The following OXNAD1 variants were observed in gnomAD, a reference collection of about 807,000 sequenced individuals.
OXNAD1 encodes oxidoreductase NAD binding domain containing 1.
OXNAD1 carries 34 observed loss-of-function variants against 32.9 expected under a neutral mutation model. The observed-to-expected ratio is 1.03, with a 90% confidence interval of 0.79 to 1.38. The LOEUF (loss-of-function observed/expected upper bound fraction) is 1.38. Among genes scored for constraint, OXNAD1 ranks in the 40% most tolerant of loss-of-function variants. The probability of loss-of-function intolerance (pLI) is 0.00; values close to 1 mark genes in which losing one functional copy is unlikely to be tolerated. For missense variants in OXNAD1, 407 were observed against 379.4 expected, an observed-to-expected ratio of 1.07 and a Z score of -0.60; for synonymous variants, 134 against 135.2, an observed-to-expected ratio of 0.99 and a Z score of 0.06.
At position 16,287,375 on chromosome 3, in the gene OXNAD1, T is replaced by A. The variant is rs1374771940; in HGVS notation, c.290+927T>A. Among the ~76,000 whole-genome samples the A allele has an allele frequency of 1.3e-5, 2 of 152,206 alleles. No individual in the cohort carries two copies. Among genetic ancestry groups the A allele is most frequent in the African/African-American group, 4.8e-5 (2 of 41,458 alleles). ...AGTTAGCAGTCTTGTGTGTTAATAG[T>A]TTGCCTTTGAATTTAGAACTAGAAA... On this transcript the variant is annotated intron_variant, in intron 5 of 8. Transcript: ENST00000285083. This position sits in a 1 kb window ranked among gnomAD's most constrained non-coding sequence, Gnocchi z 4.8.
chr3:16,286,177 C>T (rs549471425), intron 4 of OXNAD1, among the ~76,000 whole-genome samples, 165 bp from the exon 5 acceptor site: 1 of 152,358 alleles, frequency 6.6e-6, no homozygotes, highest in Admixed American at 6.5e-5. Context: ...AATGTATTCA[C>T]ATGGTGGTAG....
At position 16,330,626 on chromosome 3, in the gene OXNAD1, G is replaced by A. The variant is rs137885075; in HGVS notation, c.*31-6486G>A. On this transcript the variant is annotated intron_variant, in intron 9 of 9. Coordinates refer to the OXNAD1 transcript ENST00000435829. ...CTCCTGTGGTGGATACGTAATCTCC[G>A]ATCACACCTGGAGTGTTAAAAAATG... Among the ~76,000 whole-genome samples the A allele has an allele frequency of 7.9e-5, 12 of 152,282 alleles. No individual in the cohort carries two copies. The East Asian group carries it at 1.5e-3, about 20-fold the overall frequency.
rs1312306031 is a variant in OXNAD1 at position 16,317,190 on chromosome 3, T to C, written c.*30+13598T>C. Reference sequence around the variant, plus strand: ...CTGAGTTTACCTTTTGATTTCCTCATCTGCCTGTTGTGCATTTCTTCTCTG... The same window carrying C: ...CTGAGTTTACCTTTTGATTTCCTCACCTGCCTGTTGTGCATTTCTTCTCTG... On this transcript the variant is annotated intron_variant, in intron 9 of 9. Transcript: ENST00000435829. The surrounding 1 kb of genome is among the most constrained non-coding windows in gnomAD (Gnocchi z 4.3). 4 of 1,613,378 alleles carry C rather than the reference T, an allele frequency of 2.5e-6. No homozygotes were observed. The African/African-American group carries it at 4.0e-5, about 16-fold the overall frequency.
intron 9 of OXNAD1, among the ~76,000 whole-genome samples, chr3:16,325,447 A>G (rs2069597179): frequency 6.6e-6 from 1 of 152,232 alleles, no homozygotes; most frequent in Non-Finnish European, 1.5e-5. Context: ...GCTCAGAACC[A>G]GCTGGGCCTT....
chr3:16,278,905 T>A (rs982148425), intron 4 of OXNAD1, among the ~76,000 whole-genome samples: 1 of 152,196 alleles, frequency 6.6e-6, no homozygotes, highest in Non-Finnish European at 1.5e-5. Flanking sequence ...AATGGGATGG[T>A]CTGCTTAGCT....
At chr3:16,340,284 C>T (rs1314933609), downstream of OXNAD1, among the ~76,000 whole-genome samples, 2 of 152,220 alleles carry the variant, frequency 1.3e-5, no homozygotes, top group African/African-American at 4.8e-5. Context: ...AATAAGCTAG[C>T]ACATTGGGGC....
In OXNAD1 at chr3:16,284,536, GA is replaced by G. The variant is rs1359396404; in HGVS notation, c.184-1801del. Among the ~76,000 whole-genome samples the G allele has an allele frequency of 6.6e-6, 1 of 152,184 alleles. No homozygotes were observed. Among genetic ancestry groups the G allele is most frequent in the African/African-American group, 2.4e-5 (1 of 41,442 alleles). Reference sequence around the variant, plus strand: ...CACAATATTTGTGTGTCTAAACATAGAAAAATAGTAAAAATCTGGTATTATG... The same window carrying G: ...CACAATATTTGTGTGTCTAAACATAGAAAATAGTAAAAATCTGGTATTATG... On this transcript the variant is annotated intron_variant, in intron 4 of 8. Coordinates refer to ENST00000285083, the MANE Select transcript of OXNAD1 (RefSeq NM_138381.5). The surrounding 1 kb of genome is among the most constrained non-coding windows in gnomAD (Gnocchi z 4.1).
In OXNAD1 at chr3:16,322,021, C is replaced by T. The variant is rs1234900879; in HGVS notation, c.*31-15091C>T. Among the ~76,000 whole-genome samples, 4 of 152,212 alleles carry T rather than the reference C, an allele frequency of 2.6e-5. No homozygotes were observed. The highest frequency in any genetic ancestry group is 2.1e-4 in the South Asian group (1 of 4,828). On this transcript the variant is annotated intron_variant, in intron 9 of 9. Coordinates refer to the OXNAD1 transcript ENST00000435829. The surrounding 1 kb of genome is among the most constrained non-coding windows in gnomAD (Gnocchi z 6.2). ...ACCATCTCCCTCTGTAAGGCTGCAG[C>T]GGGTGTCTGTCAGCATCTGACAGGG...
Position 16,303,550 on chromosome 3 carries a change from G to C in OXNAD1, c.927G>C (p.Glu309Asp). 1 of 1,613,880 alleles carries C rather than the reference G, an allele frequency of 6.2e-7. No homozygotes were observed. Among genetic ancestry groups the C allele is most frequent in the East Asian group, 2.2e-5 (1 of 44,816 alleles). The change falls in exon 9 of 9, where the codon GAG (glutamate) becomes GAC (aspartate). Residue 309 changes from glutamate to aspartate, a missense_variant. Glu to Asp is a conservative substitution (Grantham distance 45). Transcript: ENST00000285083. This position sits in a 1 kb window ranked among gnomAD's most constrained non-coding sequence, Gnocchi z 4.8. ...NHVPKEHICF[E>D]KWW is the part of the protein sequence containing the mutation. ...TACCCAAAGAACACATTTGCTTTGA[G>C]AAGTGGTGGTAGGAGGCAGACAAAG...
At chr3:16,323,363 C>A (rs765839281) in intron 9 of OXNAD1, 10 of 1,591,162 alleles carry the variant, frequency 6.3e-6, no homozygotes, top group Non-Finnish European at 2.6e-6. Context: ...GGAAGGCCAT[C>A]AAAGTCTCTT....
intron 4 of OXNAD1, among the ~76,000 whole-genome samples, chr3:16,279,691 A>G (rs1297536054): frequency 6.6e-6 from 1 of 151,962 alleles, no homozygotes; most frequent in East Asian, 1.9e-4. Context: ...GCCAGGGGGA[A>G]AAGTATTTCA....
intron 4 of OXNAD1, 124 bp from the exon 5 acceptor site, chr3:16,286,218 G>T: frequency 1.4e-6 from 1 of 714,388 alleles, no homozygotes; most frequent in Admixed American, 2.5e-5. Flanking sequence ...GTTTTACCTT[G>T]TTTGGCAATT....
At chr3:16,269,828 G>A (rs1355269466) in intron 2 of OXNAD1, among the ~76,000 whole-genome samples, 4 of 152,214 alleles carry the variant, frequency 2.6e-5, no homozygotes, top group African/African-American at 4.8e-5. Flanking sequence ...AGAAAAAAAA[G>A]TATTCACATG....
rs563174449 is a variant in OXNAD1, at chr3:16,346,469, A to T, written c.*31-2707A>T. On this transcript the variant is annotated intron_variant, in intron 9 of 9. Transcript: ENST00000606098. This position sits in a 1 kb window ranked among gnomAD's most constrained non-coding sequence, Gnocchi z 4.4. ...TTGTCATCTCATTATCCAAACCGTC[A>T]ACAAGTCCAGTCTTCTTGAAAATAC... The T allele has an allele frequency of 6.6e-6, 1 of 152,324 alleles. No homozygotes were observed. Among genetic ancestry groups the T allele is most frequent in the Admixed American group, 6.5e-5 (1 of 15,308 alleles). The allele number at this position is 152,324 out of a possible 1,614,324, so 9.4% of individuals were successfully genotyped here. A position where few individuals can be genotyped will look rare whatever the true frequency, so the allele number is the denominator to read the frequency against.
chr3:16,277,397 A>G lies in OXNAD1; in HGVS notation c.183+5675A>G, dbSNP rs1005450842. On this transcript the variant is annotated intron_variant, in intron 4 of 8. Coordinates refer to ENST00000285083, the MANE Select transcript of OXNAD1 (RefSeq NM_138381.5). The surrounding 1 kb of genome is among the most constrained non-coding windows in gnomAD (Gnocchi z 4.3). ...CTCCTAGCCATAGAGTAGGGGCTGG[A>G]CCCTGGACTCGTTGAAATGAATGGC... Among the ~76,000 whole-genome samples, 21 of 152,228 alleles carry G rather than the reference A, an allele frequency of 1.4e-4. No homozygotes were observed. The highest frequency in any genetic ancestry group is 9.6e-4 in the East Asian group (5 of 5,182).
intron 9 of OXNAD1, among the ~76,000 whole-genome samples, chr3:16,347,252 C>T (rs932548919): frequency 1.5e-4 from 23 of 152,286 alleles, no homozygotes; most frequent in African/African-American, 5.5e-4. Context: ...CAAGGACACC[C>T]TACAGGGCAA....
rs936586423 is a variant in OXNAD1 at position 16,297,798 on chromosome 3, A to G, written c.432+2801A>G. Among the ~76,000 whole-genome samples, 8 of 152,206 alleles carry G rather than the reference A, an allele frequency of 5.3e-5. No individual in the cohort carries two copies. The highest frequency in any genetic ancestry group is 2.0e-4 in the Admixed American group (3 of 15,272). The stretch of plus-strand genomic sequence containing the variant: ...GGAAGACAAAGATATAATGATGGGA[A>G]ACCAGTGGTTGACTGGGGTTGAGAT... On this transcript the variant is annotated intron_variant, in intron 6 of 8. Transcript: ENST00000285083. This position sits in a 1 kb window ranked among gnomAD's most constrained non-coding sequence, Gnocchi z 4.3.
rs1223102273 is a variant in OXNAD1 at position 16,298,408 on chromosome 3, C to T, written c.433-3218C>T. Among the ~76,000 whole-genome samples the T allele has an allele frequency of 6.6e-6, 1 of 152,134 alleles. No individual in the cohort carries two copies. The highest frequency in any genetic ancestry group is 1.9e-4 in the East Asian group (1 of 5,200). On this transcript the variant is annotated intron_variant, in intron 6 of 8. Transcript: ENST00000285083. This position sits in a 1 kb window ranked among gnomAD's most constrained non-coding sequence, Gnocchi z 5.1. Reference sequence around the variant, plus strand: ...CCACAGCTTCCTGCTTGGTTTCATGCCTCATTGGCATTTCAGTGAAGAAAC... The same window carrying T: ...CCACAGCTTCCTGCTTGGTTTCATGTCTCATTGGCATTTCAGTGAAGAAAC...
chr3:16,285,251 T>G (rs1264825916), intron 4 of OXNAD1, among the ~76,000 whole-genome samples: 1 of 152,180 alleles, frequency 6.6e-6, no homozygotes, highest in African/African-American at 2.4e-5. Context: ...ACTAATAGTT[T>G]GATGAGATTT....
Sources: allele counts gnomAD v4.1 joint callset (sites outside exome capture counted in the v4.1 genomes callset), GRCh38; gene constraint gnomAD v4.1.1; non-coding constraint Gnocchi (gnomAD v3.1); transcripts MANE v1.5; gene names NCBI Gene and HGNC (gene_info 2026-07-23, HGNC 2026-07-21).